Variants in MSH3 observed in about 807,000 individuals in gnomAD.
MSH3 encodes mutS homolog 3, also known as DNA mismatch repair protein Msh3.
In MSH3, 106 loss-of-function variants were observed where a neutral mutation model predicts 123.3. The observed-to-expected ratio is 0.86, with a 90% CI of 0.73 to 1.01. MSH3 has a LOEUF of 1.01. Among genes scored for constraint, MSH3 ranks in the 50% least tolerant of loss-of-function variants. The pLI is 0.00. For missense variants in MSH3, 1,459 were observed against 1,347.6 expected (o/e 1.08, Z -1.29); for synonymous variants, 515 against 481.4 (o/e 1.07, Z -0.91).
At chr5:80,785,321 C>T (rs557724002) in intron 17 of MSH3, among the ~76,000 whole-genome samples, 9 of 152,284 alleles carry the variant, frequency 5.9e-5, no homozygotes, top group South Asian at 2.1e-4. Flanking sequence ...CGTGGTCAGA[C>T]GCGTTACCCA....
intron 8 of MSH3, among the ~76,000 whole-genome samples, chr5:80,694,413 C>T (rs926116682): frequency 2.0e-5 from 3 of 152,000 alleles, no homozygotes; most frequent in African/African-American, 7.3e-5. Context: ...AAAAACTTTA[C>T]CTCTGTCTAT....
intron 3 of MSH3, 112 bp downstream of exon 3, chr5:80,665,475 C>G (rs1749549771): frequency 1.3e-6 from 1 of 778,096 alleles, no homozygotes; most frequent in African/African-American, 1.7e-5. Flanking sequence ...GGATGGTCTT[C>G]TGAATCATCT....
intron 8 of MSH3, among the ~76,000 whole-genome samples, chr5:80,697,974 C>G (rs1399280810): frequency 6.6e-6 from 1 of 152,072 alleles, no homozygotes; most frequent in African/African-American, 2.4e-5. Flanking sequence ...GTGGCACCAT[C>G]GTGGTTCACT....
At chr5:80,843,447 C>T (rs940070318) in intron 20 of MSH3, among the ~76,000 whole-genome samples, 5 of 152,118 alleles carry the variant, frequency 3.3e-5, no homozygotes, top group African/African-American at 1.2e-4. Context: ...TTCCCTCTTT[C>T]TCTGTTGATT....
chr5:80,738,418 A>T (rs1743552521), intron 10 of MSH3, among the ~76,000 whole-genome samples: 1 of 152,226 alleles, frequency 6.6e-6, no homozygotes, highest in African/African-American at 2.4e-5. Flanking sequence ...CATGTGCAAC[A>T]TTATAATAGG....
At chr5:80,870,005 C>T (rs887129161) in intron 22 of MSH3, among the ~76,000 whole-genome samples, 1 of 151,036 alleles carries the variant, frequency 6.6e-6, no homozygotes, top group African/African-American at 2.4e-5. Context: ...GAAACCCTGT[C>T]TCTACTAAAA....
chr5:80,853,001 A>G (rs1745853945), intron 20 of MSH3, among the ~76,000 whole-genome samples: 1 of 152,238 alleles, frequency 6.6e-6, no homozygotes, highest in African/African-American at 2.4e-5. Context: ...AATTAACTGC[A>G]TAACACTGAG....
chr5:80,753,645 A>G (rs1418062413), intron 12 of MSH3, among the ~76,000 whole-genome samples: 4 of 152,200 alleles, frequency 2.6e-5, no homozygotes. Flanking sequence ...AAAGACCCCA[A>G]AAAGTCTAAT....
At chr5:80,769,464 C>T (rs1321221832) in intron 15 of MSH3, among the ~76,000 whole-genome samples, 1 of 151,874 alleles carries the variant, frequency 6.6e-6, no homozygotes, top group Non-Finnish European at 1.5e-5. Flanking sequence ...TGAAAAACTA[C>T]AGTTAGTGAG....
chr5:80,790,906 T>G (rs994047130), intron 18 of MSH3, among the ~76,000 whole-genome samples: 1 of 152,194 alleles, frequency 6.6e-6, no homozygotes, highest in Non-Finnish European at 1.5e-5. Context: ...ATCAGCAAAA[T>G]CTGAGATTCT....
intron 2 of MSH3, among the ~76,000 whole-genome samples, chr5:80,661,488 AG>A (rs1301323512): frequency 1.3e-5 from 2 of 152,152 alleles, no homozygotes; most frequent in African/African-American, 2.4e-5. Flanking sequence ...CATCTCCAGA[AG>A]TTCCATTTTG....
chr5:80,788,756 T>C (rs1309734672), intron 18 of MSH3, among the ~76,000 whole-genome samples: 1 of 149,388 alleles, frequency 6.7e-6, no homozygotes, highest in Non-Finnish European at 1.5e-5. Flanking sequence ...TGAGCCATGA[T>C]AGTGCCCATG....
intron 20 of MSH3, among the ~76,000 whole-genome samples, chr5:80,853,219 C>G (rs1580090849): frequency 6.6e-6 from 1 of 152,128 alleles, no homozygotes; most frequent in Non-Finnish European, 1.5e-5. Context: ...TGCCTGTAAT[C>G]CCAGCACTTA....
chr5:80,740,360 CT>C (rs747484860), intron 10 of MSH3, among the ~76,000 whole-genome samples: 188 of 142,100 alleles, frequency 1.3e-3, no homozygotes, highest in Non-Finnish European at 1.4e-3. Context: ...TTTCTTTTCT[CT>C]TTTTTTTTTT....
intron 8 of MSH3, among the ~76,000 whole-genome samples, chr5:80,703,691 A>G (rs762169415): frequency 3.3e-5 from 5 of 152,096 alleles, no homozygotes; most frequent in African/African-American, 4.8e-5. Flanking sequence ...CTTCTGTAAC[A>G]ACAGTGCACA....
intron 20 of MSH3, among the ~76,000 whole-genome samples, chr5:80,815,924 G>C (rs563906615): frequency 6.8e-4 from 103 of 152,278 alleles, no homozygotes; most frequent in African/African-American, 2.4e-3. Flanking sequence ...CAACCTTTAT[G>C]ATATATTTAC....
intron 17 of MSH3, 136 bp downstream of exon 17, chr5:80,778,972 TTTTA>T (rs891822466): frequency 8.6e-6 from 5 of 579,436 alleles, no homozygotes; most frequent in African/African-American, 7.6e-5. Flanking sequence ...TGTTCTCTGA[TTTTA>T]TTTCTTTTTT....
intron 20 of MSH3, among the ~76,000 whole-genome samples, chr5:80,815,684 T>TA (rs908382481): frequency 2.0e-5 from 3 of 152,172 alleles, no homozygotes; most frequent in African/African-American, 7.2e-5. Context: ...ACCCTTTTTT[T>TA]AAAAAATTTT....
In MSH3 at chr5:80,818,311, C is replaced by T. The variant is rs140091764; in HGVS notation, c.2813+4570C>T. Among the ~76,000 whole-genome samples the T allele has an allele frequency of 1.5e-3, 213 of 146,794 alleles. 1 individual carries two copies. Among genetic ancestry groups the T allele is most frequent in the African/African-American group, 5.3e-3 (209 of 39,762 alleles). On this transcript the variant is annotated intron_variant, in intron 20 of 23. Coordinates refer to ENST00000265081, the MANE Select transcript of MSH3 (RefSeq NM_002439.5). ...AATAGAGGAACATGTTAAACACCACCATAGGGGTACTGTCAGCAAAATCTA... is the reference window on the plus strand; with the variant it reads ...AATAGAGGAACATGTTAAACACCACTATAGGGGTACTGTCAGCAAAATCTA...
Sources: allele counts gnomAD v4.1 joint callset (sites outside exome capture counted in the v4.1 genomes callset), GRCh38; gene constraint gnomAD v4.1.1; transcripts MANE v1.5; gene names NCBI Gene and HGNC (gene_info 2026-07-23, HGNC 2026-07-21).